NLRP5: variants seen among roughly 807,000 people sequenced by gnomAD.
NLRP5 encodes the protein NLR family pyrin domain containing 5, also known as NACHT, LRR and PYD domains-containing protein 5.
NLRP5 carries 93 observed loss-of-function variants against 113.1 expected under a neutral mutation model. That is an observed-to-expected ratio of 0.82 (90% confidence interval 0.70 to 0.98). The LOEUF (loss-of-function observed/expected upper bound fraction) is 0.98, where lower values mean the gene tolerates loss of function less well. NLRP5 is among the 50% of genes least tolerant of loss of function. NLRP5 has a pLI of 0.00. For synonymous variants in NLRP5, 751 were observed against 600.7 expected (o/e 1.25, Z -3.66); for missense variants, 1,808 against 1,514.3 (o/e 1.19, Z -3.22).
At chr19:56,022,520 C>G (rs306446) in intron 6 of NLRP5, among the ~76,000 whole-genome samples, 2 of 151,948 alleles carry the variant, frequency 1.3e-5, no homozygotes, top group Non-Finnish European at 2.9e-5. Flanking sequence ...TGAGCCACTA[C>G]GCCCAGCCAA....
intron 4 of NLRP5, among the ~76,000 whole-genome samples, chr19:56,016,038 A>G (rs922143400): frequency 6.6e-6 from 1 of 152,214 alleles, no homozygotes; most frequent in Non-Finnish European, 1.5e-5. Context: ...TAAGAATTGT[A>G]TATACTTATG....
At chr19:56,007,117 C>G (rs1568482647) in intron 2 of NLRP5, among the ~76,000 whole-genome samples, 1 of 151,444 alleles carries the variant, frequency 6.6e-6, no homozygotes, top group Non-Finnish European at 1.5e-5. Context: ...AATCCCAATA[C>G]TTTGAGAGTC....
chr19:56,000,458 G>C (rs1169143238), intron 1 of NLRP5, among the ~76,000 whole-genome samples: 2 of 151,820 alleles, frequency 1.3e-5, no homozygotes, highest in African/African-American at 4.8e-5. Context: ...TCCGACTCCC[G>C]GGTTCACACC....
chr19:56,006,248 G>T (rs1380118431), intron 2 of NLRP5, among the ~76,000 whole-genome samples: 3 of 152,074 alleles, frequency 2.0e-5, no homozygotes, highest in African/African-American at 7.2e-5. Flanking sequence ...ACACAGGAAG[G>T]GGAACATCAC....
At position 56,050,450 on chromosome 19, in the gene NLRP5, G is replaced by A. The variant is rs2123335412; in HGVS notation, c.2990G>A (p.Cys997Tyr). Reference sequence around the variant, plus strand: ...CAGTGCCACCTGGACACGGCTGGCTGTGGTTTTCTTGCACTTGCGCTTATG... The same window carrying A: ...CAGTGCCACCTGGACACGGCTGGCTATGGTTTTCTTGCACTTGCGCTTATG... The change falls in exon 12 of 15, where the codon TGT (cysteine) becomes TAT (tyrosine). Residue 997 changes from cysteine (C) to tyrosine (Y), a missense_variant. By Grantham distance (194) the Cys-to-Tyr change is radical. Transcript: ENST00000390649. The A allele has an allele frequency of 1.2e-6, 2 of 1,613,954 alleles. No homozygotes were observed. Among genetic ancestry groups the A allele is most frequent in the East Asian group, 4.5e-5 (2 of 44,874 alleles).
chr19:56,007,900 CGTGCGTGTGT>C (rs1212386693), intron 2 of NLRP5, among the ~76,000 whole-genome samples: 3 of 79,424 alleles, frequency 3.8e-5, no homozygotes, highest in Non-Finnish European at 7.3e-5. Flanking sequence ...CGCGTGCGCG[CGTGCGTGTGT>C]GTGTGTGTGT....
Position 56,038,095 on chromosome 19 carries a change from C to G in NLRP5, c.2686C>G (p.Leu896Val). Residue 896 changes from leucine to valine, a missense_variant, in exon 10 of 15, where the codon CTG becomes GTG. Transcript: ENST00000390649. The stretch of plus-strand genomic sequence containing the variant: ...CCAAATCCTTACGACCTCCCCCAGC[C>G]TGAAATCTCTGAGCCTGGCAGGAAA... The G allele has an allele frequency of 6.2e-7, 1 of 1,613,978 alleles. No individual in the cohort carries two copies. The highest frequency in any genetic ancestry group is 8.5e-7 in the Non-Finnish European group (1 of 1,179,860).
intron 6 of NLRP5, among the ~76,000 whole-genome samples, chr19:56,021,685 T>A (rs909386231): frequency 7.9e-5 from 12 of 152,200 alleles, no homozygotes; most frequent in Non-Finnish European, 1.6e-4. Context: ...TTCCATTGTA[T>A]GGAAAGACCC....
intron 7 of NLRP5, 109 bp from the exon 8 acceptor site, chr19:56,032,502 C>A (rs1983157304): frequency 1.3e-5 from 12 of 945,024 alleles, no homozygotes; most frequent in South Asian, 3.7e-5. Flanking sequence ...CCTCTAAAGC[C>A]ACCGTGGTCT....
At chr19:55,998,730 G>A (rs890744088), upstream of NLRP5, among the ~76,000 whole-genome samples, 19 of 116,144 alleles carry the variant, frequency 1.6e-4, no homozygotes, top group African/African-American at 3.2e-4. Flanking sequence ...ATATATATAT[G>A]TGTATATATA....
intron 6 of NLRP5, among the ~76,000 whole-genome samples, chr19:56,020,950 T>A (rs1415723490): frequency 6.6e-6 from 1 of 151,434 alleles, no homozygotes. Context: ...CTCGGCTCAG[T>A]GCAACCTCTG....
intron 3 of NLRP5, among the ~76,000 whole-genome samples, chr19:56,012,030 T>A (rs1443394975): frequency 1.3e-5 from 2 of 152,116 alleles, no homozygotes; most frequent in Non-Finnish European, 2.9e-5. Flanking sequence ...GATTCTTTCA[T>A]CTCTTACATG....
In NLRP5 at chr19:56,041,064, C is replaced by T. The variant is rs1343468879; in HGVS notation, c.2929C>T (p.Leu977Phe). 2 of 1,613,956 alleles carry T rather than the reference C, an allele frequency of 1.2e-6. No homozygotes were observed. Among genetic ancestry groups the T allele is most frequent in the Non-Finnish European group, 8.5e-7 (1 of 1,179,870 alleles). Residue 977 changes from leucine to phenylalanine, a missense_variant, in exon 11 of 15, where the codon CTT becomes TTT. Leu to Phe is a conservative substitution (Grantham distance 22). Coordinates refer to ENST00000390649, the MANE Select transcript of NLRP5 (RefSeq NM_153447.4). ...AAATCTACTGTGTCGATCCATGAGG[C>T]TTCCCCACTGTAGTCTGCAGAGGCT...
the NLRP5 span, among the ~76,000 whole-genome samples, chr19:55,992,352 G>A: frequency 6.6e-6 from 1 of 152,088 alleles, no homozygotes; most frequent in Non-Finnish European, 1.5e-5. Flanking sequence ...ATCTTTATGG[G>A]AGAATGCTTT....
chr19:56,008,863 G>T lies in NLRP5; in HGVS notation c.508+10G>T, dbSNP rs1396965577. The T allele has an allele frequency of 6.2e-7, 1 of 1,610,440 alleles. No homozygotes were observed. Among genetic ancestry groups the T allele is most frequent in the Admixed American group, 1.7e-5 (1 of 59,488 alleles). ...AAGGAAAAAGTGCCAGGTTAGAGGG[G>T]TGGAGTTGGGGGAAATAGGATGTGC... On this transcript the variant is annotated intron_variant, in intron 3 of 14. Coordinates refer to ENST00000390649, the MANE Select transcript of NLRP5 (RefSeq NM_153447.4).
chr19:55,991,870 C>T, the NLRP5 span, among the ~76,000 whole-genome samples: 2 of 151,986 alleles, frequency 1.3e-5, no homozygotes, highest in African/African-American at 4.8e-5. Flanking sequence ...AGCTAACATT[C>T]TTTTTTTACT....
At chr19:55,990,806 C>G in the NLRP5 span, among the ~76,000 whole-genome samples, 1 of 151,876 alleles carries the variant, frequency 6.6e-6, no homozygotes, top group East Asian at 1.9e-4. Flanking sequence ...GCCTGGGCGA[C>G]GGAGCAAGAC....
chr19:56,009,447 C>T (rs962760994), intron 3 of NLRP5, among the ~76,000 whole-genome samples: 4 of 151,430 alleles, frequency 2.6e-5, no homozygotes, highest in African/African-American at 7.3e-5. Flanking sequence ...CTATGACAAG[C>T]TCCTCCCAAT....
chr19:55,996,079 TGCC>T (rs1243427484), upstream of NLRP5, among the ~76,000 whole-genome samples: 3 of 152,300 alleles, frequency 2.0e-5, no homozygotes, highest in African/African-American at 7.2e-5. Context: ...AAGATTATAT[TGCC>T]TGCAAACATG....
Sources: gnomAD v4.1 joint callset for allele counts (sites outside exome capture counted in the v4.1 genomes callset) on GRCh38, gnomAD v4.1.1 for gene constraint, MANE v1.5 for transcripts, NCBI Gene and HGNC (gene_info 2026-07-23, HGNC 2026-07-21) for gene names.